The following KLRC3 variants were observed in gnomAD, a reference collection of about 807,000 sequenced individuals.
The protein encoded by KLRC3 is NKG2-E type II integral membrane protein.
A neutral mutation model predicts 23.6 loss-of-function variants in KLRC3; 16 were observed. That is an observed-to-expected ratio of 0.68 (90% CI 0.46 to 1.03). The LOEUF (loss-of-function observed/expected upper bound fraction) is 1.03. KLRC3 is among the 50% of genes least tolerant of loss of function. The probability of loss-of-function intolerance (pLI) is 0.00; values close to 1 mark genes in which losing one functional copy is unlikely to be tolerated. For missense variants in KLRC3, 209 were observed against 232.2 expected (o/e 0.90, Z 0.65); for synonymous variants, 70 against 71.8 (o/e 0.98, Z 0.13).
intron 6 of KLRC3, among the ~76,000 whole-genome samples, chr12:10,413,165 T>C (rs1863596196): frequency 6.6e-6 from 1 of 152,304 alleles, no homozygotes; most frequent in African/African-American, 2.4e-5. Flanking sequence ...ATGAAGAACA[T>C]TTCCAGTTTA....
At chr12:10,417,701 G>A (rs1162315506) in intron 4 of KLRC3, among the ~76,000 whole-genome samples, 1 of 152,194 alleles carries the variant, frequency 6.6e-6, no homozygotes, top group Admixed American at 6.5e-5. Context: ...TTGCCCCTGA[G>A]GGCATGAGAC....
At position 10,420,448 on chromosome 12, in the gene KLRC3, C is replaced by T. The variant is rs750424293; in HGVS notation, c.103G>A (p.Glu35Lys). Residue 35 changes from glutamate to lysine, a missense_variant, in exon 1 of 7, where the codon GAA becomes AAA. Physicochemically the swap from Glu to Lys is moderately conservative, Grantham distance 56. Coordinates refer to ENST00000396439, the MANE Select transcript of KLRC3 (RefSeq NM_002261.3). The part of the protein sequence containing the change: ...KGNKSSISGT[E>K]QEIFQVELNL... ...AATTCTACTTGGAATATTTCCTGTTCGGTTCCTGAAATGGAGCTTTTATTG... is the reference window on the plus strand; with the variant it reads ...AATTCTACTTGGAATATTTCCTGTTTGGTTCCTGAAATGGAGCTTTTATTG... The T allele has an allele frequency of 1.2e-5, 20 of 1,613,228 alleles. No homozygotes were observed. The highest frequency in any genetic ancestry group is 4.0e-5 in the African/African-American group (3 of 74,706).
Position 10,412,378 on chromosome 12 carries a change from A to C in KLRC3, c.*194T>G. 1 of 577,462 alleles carries C rather than the reference A, an allele frequency of 1.7e-6. No homozygotes were observed. Among genetic ancestry groups the C allele is most frequent in the Non-Finnish European group, 3.0e-6 (1 of 328,454 alleles). 35.8% of individuals were successfully genotyped at this position (577,462 alleles called of 1,614,324 possible). On this transcript the variant is annotated 3_prime_UTR_variant, in exon 7 of 7. Transcript: ENST00000396439. ...CATTTTAATATTAATATTTGTTGTA[A>C]ATGACTAATGCTTAAATCAAACTAT...
At chr12:10,418,546 A>T in intron 3 of KLRC3, 48 bp from the exon 4 acceptor site, 1 of 1,506,942 alleles carries the variant, frequency 6.6e-7, no homozygotes, top group Non-Finnish European at 9.1e-7. Context: ...ATTTTTAAAA[A>T]TGAAAATTAG....
At chr12:10,418,688 C>T (rs926819819) in intron 3 of KLRC3, among the ~76,000 whole-genome samples, 190 bp from the exon 4 acceptor site, 3 of 152,138 alleles carry the variant, frequency 2.0e-5, no homozygotes, top group Non-Finnish European at 2.9e-5. Context: ...TAGCCTCTCT[C>T]CCCTAATTGT....
At chr12:10,418,226 T>C (rs1213894842) in intron 4 of KLRC3, 118 bp downstream of exon 4, 2 of 964,494 alleles carry the variant, frequency 2.1e-6, no homozygotes, top group Non-Finnish European at 3.1e-6. Flanking sequence ...AACTGAATAA[T>C]GCATACACTT....
intron 6 of KLRC3, among the ~76,000 whole-genome samples, chr12:10,414,935 A>T (rs191267462): frequency 6.6e-6 from 1 of 152,266 alleles, no homozygotes; most frequent in Admixed American, 6.5e-5. Context: ...GGAATATTAA[A>T]ATCAGAATGC....
At chr12:10,415,903 T>A in intron 5 of KLRC3, 109 bp from the exon 6 acceptor site, 1 of 783,618 alleles carries the variant, frequency 1.3e-6, no homozygotes, top group Non-Finnish European at 2.1e-6. Context: ...AAAGGGTAAT[T>A]AAATTTTTCA....
chr12:10,416,881 G>C, intron 4 of KLRC3, 114 bp from the exon 5 acceptor site: 2 of 862,888 alleles, frequency 2.3e-6, no homozygotes, highest in Admixed American at 3.0e-5. Flanking sequence ...ATAAATGTTT[G>C]AATTTTTTAT....
chr12:10,416,145 A>G (rs1029456897), intron 5 of KLRC3, among the ~76,000 whole-genome samples: 5 of 152,268 alleles, frequency 3.3e-5, no homozygotes, highest in Admixed American at 6.5e-5. Flanking sequence ...ATATACCAAC[A>G]GCACTACTAT....
rs1863704283 is a variant in KLRC3, at chr12:10,420,391, C to A, written c.160G>T (p.Gly54Trp). ...NLQNASLNHQ[G>W]IDKIYDCQGL... ...TGGCAGTCATATATTTTATCAATCC[C>A]TTGATGATTCAGAGAAGCATTTTGA... is the stretch of plus-strand genomic sequence containing the variant. The change falls in exon 1 of 7, where the codon GGG becomes TGG. Residue 54 changes from glycine to tryptophan, a missense_variant. Gly to Trp is a radical substitution (Grantham distance 184, BLOSUM62 -2). This residue lies in a region of KLRC3 where 109 missense variants were observed against 113.2 expected (regional missense o/e 0.96). Transcript: ENST00000396439. The A allele has an allele frequency of 8.7e-6, 14 of 1,613,664 alleles. No individual in the cohort carries two copies. Among genetic ancestry groups the A allele is most frequent in the Non-Finnish European group, 1.2e-5 (14 of 1,179,756 alleles).
At chr12:10,417,977 C>T (rs1863669597) in intron 4 of KLRC3, among the ~76,000 whole-genome samples, 1 of 152,132 alleles carries the variant, frequency 6.6e-6, no homozygotes. Flanking sequence ...TGAGGGCATA[C>T]ACAGGGGTGG....
At chr12:10,419,996 G>T in intron 1 of KLRC3, 32 bp from the exon 2 acceptor site, 1 of 384,908 alleles carries the variant, frequency 2.6e-6, no homozygotes, top group Non-Finnish European at 4.7e-6. Flanking sequence ...CACTGAGAGA[G>T]GGGAGATAGA....
rs1425118842 is a variant in KLRC3 at position 10,412,577 on chromosome 12, A to C, written c.718T>G (p.Ser240Ala). The C allele has an allele frequency of 5.7e-6, 4 of 701,472 alleles. No individual in the cohort carries two copies. The highest frequency in any genetic ancestry group is 1.5e-5 in the South Asian group (1 of 67,502). 43.5% of individuals were successfully genotyped at this position (701,472 alleles called of 1,614,324 possible). The change falls in exon 7 of 7, where the codon TCC becomes GCC. Residue 240 changes from serine (S) to alanine (A), a missense_variant. This residue lies in a region of KLRC3 where 74 missense variants were observed against 51.0 expected (regional missense o/e 1.45). Coordinates refer to ENST00000396439, the MANE Select transcript of KLRC3 (RefSeq NM_002261.3). ...FIMLTRLVLN[S>A] ...GATGTGTTGATTTCTTGAGCTCAGG[A>C]GTTCAAGACCAGCCTGGTCAACATG...
intron 5 of KLRC3, 126 bp from the exon 6 acceptor site, chr12:10,415,920 A>C: frequency 1.5e-6 from 1 of 687,490 alleles, no homozygotes; most frequent in South Asian, 1.9e-5. Flanking sequence ...TTCATATGCT[A>C]TTACTAAAAG....
intron 5 of KLRC3, 71 bp from the exon 6 acceptor site, chr12:10,415,865 A>G: frequency 9.4e-7 from 1 of 1,062,316 alleles, no homozygotes; most frequent in South Asian, 1.4e-5. Flanking sequence ...AGCATTTTCC[A>G]TGTACTGTAA....
At chr12:10,417,916 T>C (rs1396050095) in intron 4 of KLRC3, among the ~76,000 whole-genome samples, 1 of 152,200 alleles carries the variant, frequency 6.6e-6, no homozygotes, top group African/African-American at 2.4e-5. Context: ...AAACCTTATT[T>C]ATAACTTCAA....
At chr12:10,416,642 T>C in intron 5 of KLRC3, 25 bp downstream of exon 5, 8 of 1,598,972 alleles carry the variant, frequency 5.0e-6, no homozygotes, top group Non-Finnish European at 6.8e-6. Flanking sequence ...TATTTTTTTA[T>C]ATAGCACCCT....
chr12:10,416,544 T>G, intron 5 of KLRC3, 123 bp downstream of exon 5: 1 of 1,202,536 alleles, frequency 8.3e-7, no homozygotes. Flanking sequence ...AATATTTGTA[T>G]CAACATTTCA....
Sources: allele counts gnomAD v4.1 joint callset (sites outside exome capture counted in the v4.1 genomes callset), GRCh38; gene constraint gnomAD v4.1.1; regional missense constraint gnomAD v4.1.1; transcripts MANE v1.5; gene names NCBI Gene and HGNC (gene_info 2026-07-23, HGNC 2026-07-21).